Variants in MPRIP observed in about 807,000 individuals in gnomAD.
MPRIP encodes myosin phosphatase Rho-interacting protein.
In MPRIP, 59 loss-of-function variants were observed where a neutral mutation model predicts 234.9. The observed-to-expected ratio is 0.25, with a 90% CI of 0.20 to 0.31. The LOEUF is 0.31. Ranked by LOEUF, MPRIP falls within the 10% of genes least tolerant of loss-of-function variation. MPRIP has a pLI of 1.00. For missense variants in MPRIP, 2,436 were observed against 3,071.0 expected, an observed-to-expected ratio of 0.79 and a Z score of 4.89; for synonymous variants, 1,144 against 1,263.9, an observed-to-expected ratio of 0.91 and a Z score of 2.01.
At position 17,186,689 on chromosome 17, in the gene MPRIP, A is replaced by G. The variant is rs1316016055; in HGVS notation, c.*1795A>G. ...AGTCATGATCGTGTCACTGCACTCC[A>G]GCCTGGGTGACAAAGCAAGGCCCCA... On this transcript the variant is annotated 3_prime_UTR_variant, in exon 24 of 24. Coordinates refer to ENST00000651222, the MANE Select transcript of MPRIP (RefSeq NM_001364716.4). 2.0e-5 allele frequency: 3 copies of G among 152,258 alleles called. No homozygotes were observed. The highest frequency in any genetic ancestry group is 4.4e-5 in the Non-Finnish European group (3 of 68,084). 9.4% of individuals were successfully genotyped at this position (152,258 alleles called of 1,614,324 possible).
chr17:17,115,392 G>A (rs1002244170), intron 3 of MPRIP, among the ~76,000 whole-genome samples: 3 of 152,228 alleles, frequency 2.0e-5, no homozygotes, highest in South Asian at 2.1e-4. Flanking sequence ...ACGTCCAGAC[G>A]TTAGGGAGAG....
chr17:17,163,023 A>G lies in MPRIP; in HGVS notation c.2518-1086A>G, dbSNP rs1461637222. Among the ~76,000 whole-genome samples, 4 of 152,320 alleles carry G rather than the reference A, an allele frequency of 2.6e-5. No individual in the cohort carries two copies. In the East Asian group the frequency reaches 5.8e-4, roughly 22 times the overall value. On this transcript the variant is annotated intron_variant, in intron 15 of 23. Transcript: ENST00000651222. ...TCAGCACTGGGCAAAGCTGGTCTTT[A>G]ATACCTTTTCCCTAAGTCTAATAAC...
chr17:17,049,356 G>A (rs2088458414), intron 1 of MPRIP, among the ~76,000 whole-genome samples: 1 of 152,166 alleles, frequency 6.6e-6, no homozygotes, highest in Admixed American at 6.5e-5. Context: ...CTTATGGTGG[G>A]GGTACATCCA....
intron 1 of MPRIP, among the ~76,000 whole-genome samples, chr17:17,065,197 G>T (rs1324917073): frequency 2.0e-5 from 3 of 152,048 alleles, no homozygotes; most frequent in Admixed American, 2.0e-4. Flanking sequence ...CTAGATATTA[G>T]TCCTTTGCAA....
chr17:17,078,010 G>A lies in MPRIP; in HGVS notation c.202-1G>A. The A allele has an allele frequency of 6.2e-7, 1 of 1,614,146 alleles. No individual in the cohort carries two copies. The highest frequency in any genetic ancestry group is 8.5e-7 in the Non-Finnish European group (1 of 1,180,002). On this transcript the variant is annotated splice_acceptor_variant, in intron 2 of 23. Coordinates refer to ENST00000651222, the MANE Select transcript of MPRIP (RefSeq NM_001364716.4). LOFTEE classifies it high-confidence loss of function. This position sits in a 1 kb window ranked among gnomAD's most constrained non-coding sequence, Gnocchi z 4.3. ...ACCACCCACCTTGTGCTCCGTTGCA[G>A]AAATGGCAGCGACGGTTCTTCATCC...
rs2089390220 is a variant in MPRIP at position 17,078,592 on chromosome 17, G to T, written c.267+516G>T. Among the ~76,000 whole-genome samples the T allele has an allele frequency of 6.6e-6, 1 of 152,150 alleles. No homozygotes were observed. The highest frequency in any genetic ancestry group is 1.9e-4 in the East Asian group (1 of 5,186). Reference sequence around the variant, plus strand: ...TGGTCACAAGGTCATCGTTCTTCTGGTCACTAAACCAGGCAGACAGGCTTC... The same window carrying T: ...TGGTCACAAGGTCATCGTTCTTCTGTTCACTAAACCAGGCAGACAGGCTTC... On this transcript the variant is annotated intron_variant, in intron 3 of 23. Transcript: ENST00000651222. This position sits in a 1 kb window ranked among gnomAD's most constrained non-coding sequence, Gnocchi z 4.3.
At chr17:17,146,339 G>A (rs1309123083) in intron 10 of MPRIP, among the ~76,000 whole-genome samples, 4 of 152,226 alleles carry the variant, frequency 2.6e-5, no homozygotes, top group African/African-American at 4.8e-5. Context: ...GATGGCAAGC[G>A]GGTGTTGGCC....
chr17:17,163,957 A>AT (rs932332798), intron 15 of MPRIP, among the ~76,000 whole-genome samples, 152 bp from the exon 16 acceptor site: 22 of 149,568 alleles, frequency 1.5e-4, no homozygotes, highest in Non-Finnish European at 3.0e-4. Context: ...AATTTGTTGG[A>AT]TTTTTTTAAT....
intron 1 of MPRIP, among the ~76,000 whole-genome samples, chr17:17,060,902 C>A (rs1248747796): frequency 6.6e-6 from 1 of 152,196 alleles, no homozygotes; most frequent in Non-Finnish European, 1.5e-5. Flanking sequence ...GGACTCAAGG[C>A]CCCATGGACA....
At chr17:17,130,931 A>AG (rs2090585024) in intron 4 of MPRIP, among the ~76,000 whole-genome samples, 1 of 152,202 alleles carries the variant, frequency 6.6e-6, no homozygotes, top group Non-Finnish European at 1.5e-5. Context: ...GAAGCTCCTA[A>AG]GGGGCCAGGA....
At chr17:17,081,058 A>G (rs1052292801) in intron 3 of MPRIP, among the ~76,000 whole-genome samples, 1 of 152,238 alleles carries the variant, frequency 6.6e-6, no homozygotes, top group Admixed American at 6.5e-5. Flanking sequence ...CTCCAAAAGC[A>G]GCAGCTCTAA....
Position 17,150,231 on chromosome 17 carries a change from C to G in MPRIP, c.1717C>G (p.His573Asp). The G allele has an allele frequency of 6.2e-7, 1 of 1,607,920 alleles. No individual in the cohort carries two copies. The highest frequency in any genetic ancestry group is 8.5e-7 in the Non-Finnish European group (1 of 1,174,616). ...PVQRNYGFQIHTKEGEFTLSA... is the reference protein window; with the variant it reads ...PVQRNYGFQIDTKEGEFTLSA... Reference sequence around the variant, plus strand: ...TCAGAGAAACTATGGCTTCCAGATACATGTGAGTCCAGGGATGGAAGTGGG... The same window carrying G: ...TCAGAGAAACTATGGCTTCCAGATAGATGTGAGTCCAGGGATGGAAGTGGG... The change falls in exon 12 of 24, where the codon CAT becomes GAT. Residue 573 changes from histidine to aspartate, a missense_variant and splice_region_variant. This residue lies in a region of MPRIP where 1,998 missense variants were observed against 2,520.3 expected (regional missense o/e 0.79). Coordinates refer to ENST00000651222, the MANE Select transcript of MPRIP (RefSeq NM_001364716.4).
chr17:17,166,085 G>T lies in MPRIP; in HGVS notation c.4494G>T (p.Gln1498His). The part of the protein sequence containing the change: ...SLPRASQEDE[Q>H]DARAASLASV... ...CTAGGGCCAGCCAGGAGGATGAGCAGGACGCACGCGCAGCCTCCCTGGCCA... is the reference window on the plus strand; with the variant it reads ...CTAGGGCCAGCCAGGAGGATGAGCATGACGCACGCGCAGCCTCCCTGGCCA... Residue 1498 changes from glutamine to histidine, a missense_variant, in exon 16 of 24, where the codon CAG (glutamine) becomes CAT (histidine). By Grantham distance (24) the Gln-to-His change is conservative. This residue lies in a region of MPRIP where 1,998 missense variants were observed against 2,520.3 expected (regional missense o/e 0.79). Coordinates refer to ENST00000651222, the MANE Select transcript of MPRIP (RefSeq NM_001364716.4). The surrounding 1 kb of genome is among the most constrained non-coding windows in gnomAD (Gnocchi z 4.4). 1 of 1,299,558 alleles carries T rather than the reference G, an allele frequency of 7.7e-7. No individual in the cohort carries two copies. The highest frequency in any genetic ancestry group is 1.5e-5 in the African/African-American group (1 of 65,908). 80.5% of individuals were successfully genotyped at this position (1,299,558 alleles called of 1,614,324 possible).
rs534301213 is a variant in MPRIP, at chr17:17,067,444, G to A, written c.124-8266G>A. ...CAGGTAGAGTATACAGCGTGGATGCGCTGGACAAAGGGGAGGCTCCACATC... is the reference window on the plus strand; with the variant it reads ...CAGGTAGAGTATACAGCGTGGATGCACTGGACAAAGGGGAGGCTCCACATC... On this transcript the variant is annotated intron_variant, in intron 1 of 23. Coordinates refer to ENST00000651222, the MANE Select transcript of MPRIP (RefSeq NM_001364716.4). Among the ~76,000 whole-genome samples, 10 of 152,310 alleles carry A rather than the reference G, an allele frequency of 6.6e-5. No individual in the cohort carries two copies. In the South Asian group the frequency reaches 1.2e-3, roughly 19 times the overall value.
intron 1 of MPRIP, among the ~76,000 whole-genome samples, chr17:17,064,332 G>T (rs1400852401): frequency 1.3e-5 from 2 of 151,950 alleles, no homozygotes; most frequent in African/African-American, 4.8e-5. Flanking sequence ...GTCCCAAGTA[G>T]CTGGGACTAC....
At chr17:17,047,337 T>A (rs1317567063) in intron 1 of MPRIP, among the ~76,000 whole-genome samples, 2 of 152,214 alleles carry the variant, frequency 1.3e-5, no homozygotes, top group Non-Finnish European at 2.9e-5. Flanking sequence ...AGAATGCCAC[T>A]TGTCTTTTTT....
intron 3 of MPRIP, among the ~76,000 whole-genome samples, chr17:17,112,646 C>G (rs2090196094): frequency 1.3e-5 from 2 of 152,200 alleles, no homozygotes; most frequent in Admixed American, 1.3e-4. Flanking sequence ...TCCACTTACT[C>G]CCAGCCTCCT....
chr17:17,048,438 T>G lies in MPRIP; in HGVS notation c.123+5467T>G, dbSNP rs367889927. ...AGGCATAGGACTTCCTGATTTGACT[T>G]AATGTGTATCTCAGAAACAACGGGG... On this transcript the variant is annotated intron_variant, in intron 1 of 23. Coordinates refer to ENST00000651222, the MANE Select transcript of MPRIP (RefSeq NM_001364716.4). Among the ~76,000 whole-genome samples, 16 of 152,226 alleles carry G rather than the reference T, an allele frequency of 1.1e-4. No individual in the cohort carries two copies. In the East Asian group the frequency reaches 2.5e-3, roughly 24 times the overall value.
rs764959819 is a variant in MPRIP at position 17,143,664 on chromosome 17, G to A, written c.1498G>A (p.Val500Met). The A allele has an allele frequency of 1.8e-5, 28 of 1,596,986 alleles. No individual in the cohort carries two copies. The highest frequency in any genetic ancestry group is 2.7e-5 in the African/African-American group (2 of 74,390). The change falls in exon 9 of 24, where the codon GTG (valine) becomes ATG (methionine). Residue 500 changes from valine to methionine, a missense_variant. By Grantham distance (21) the Val-to-Met change is conservative. This residue lies in a region of MPRIP where 1,998 missense variants were observed against 2,520.3 expected (regional missense o/e 0.79). Coordinates refer to ENST00000651222, the MANE Select transcript of MPRIP (RefSeq NM_001364716.4). Reference protein sequence around the residue: ...SLDRRSTEPSVTPDLLNFKKG... With the variant: ...SLDRRSTEPSMTPDLLNFKKG... ...GGACAGGAGGTCCACGGAGCCCTCC[G>A]TGACGGTGAGCCCAGGCGCCGCGTC...
Sources: gnomAD v4.1 joint callset for allele counts (sites outside exome capture counted in the v4.1 genomes callset) on GRCh38, gnomAD v4.1.1 for gene constraint, gnomAD v4.1.1 regional missense constraint, Gnocchi (gnomAD v3.1) non-coding constraint, MANE v1.5 for transcripts, NCBI Gene and HGNC (gene_info 2026-07-23, HGNC 2026-07-21) for gene names.